Variants in CDH18 observed in about 807,000 individuals in gnomAD.
The protein encoded by CDH18 is cadherin 18.
A neutral mutation model predicts 67.9 loss-of-function variants in CDH18; 31 were observed. The ratio of observed to expected loss-of-function variants is 0.46; its 90% CI spans 0.34 to 0.62. The LOEUF (loss-of-function observed/expected upper bound fraction) is 0.62, where lower values mean the gene tolerates loss of function less well. CDH18 is among the 20% of genes least tolerant of loss of function. The pLI, the probability that CDH18 is intolerant of heterozygous loss-of-function variation, is 0.01. For missense variants in CDH18, 890 were observed against 975.5 expected (o/e 0.91, Z 1.17); for synonymous variants, 362 against 347.2 (o/e 1.04, Z -0.48).
intron 2 of CDH18, among the ~76,000 whole-genome samples, chr5:20,003,194 C>G (rs536572695): frequency 6.6e-6 from 1 of 152,098 alleles, no homozygotes; most frequent in African/African-American, 2.4e-5. Context: ...TGCTTTGGCC[C>G]AGTTTAGAAA....
At chr5:20,424,955 C>A (rs1748176616) in intron 1 of CDH18, among the ~76,000 whole-genome samples, 1 of 150,478 alleles carries the variant, frequency 6.6e-6, no homozygotes, top group South Asian at 2.1e-4. Flanking sequence ...TCAGGACACA[C>A]AAACATGAGG....
chr5:20,442,935 C>A lies in CDH18; in HGVS notation c.-580+132527G>T, dbSNP rs376616296. On this transcript the variant is annotated intron_variant, in intron 1 of 14. Coordinates refer to the CDH18 transcript ENST00000507958. ...AATACAAAAGTATATCTTGGCCGGG[C>A]GCGGTGGCTCACGCCTGTAATCCCA... 2.3e-4 allele frequency among the ~76,000 whole-genome samples: 35 copies of A among 151,866 alleles called. No homozygotes were observed. The East Asian group carries it at 5.4e-3, about 23-fold the overall frequency.
chr5:20,281,356 C>A (rs1031918181), intron 1 of CDH18, among the ~76,000 whole-genome samples: 1 of 152,108 alleles, frequency 6.6e-6, no homozygotes, highest in Admixed American at 6.6e-5. Flanking sequence ...ACATTTAAGT[C>A]TTTAATCCAT....
intron 2 of CDH18, among the ~76,000 whole-genome samples, chr5:19,998,148 G>A (rs958668323): frequency 3.3e-5 from 5 of 152,130 alleles, no homozygotes; most frequent in South Asian, 2.1e-4. Context: ...TCTCTGCCCC[G>A]CTGGCAAAGT....
At chr5:19,815,695 AT>A (rs1047534401) in intron 3 of CDH18, among the ~76,000 whole-genome samples, 4 of 151,860 alleles carry the variant, frequency 2.6e-5, no homozygotes, top group African/African-American at 9.7e-5. Flanking sequence ...GGATATCTCA[AT>A]TTTTTTGACA....
chr5:20,003,874 T>C (rs1248713352), intron 2 of CDH18, among the ~76,000 whole-genome samples: 1 of 152,148 alleles, frequency 6.6e-6, no homozygotes, highest in African/African-American at 2.4e-5. Flanking sequence ...TCCAGCCTGG[T>C]CGACAGAGCG....
intron 1 of CDH18, among the ~76,000 whole-genome samples, chr5:20,414,676 ATTT>A (rs1747127990): frequency 6.6e-6 from 1 of 152,184 alleles, no homozygotes; most frequent in Admixed American, 6.5e-5. Context: ...AAATATATGA[ATTT>A]TTTTAAGACA....
chr5:20,463,848 T>C (rs564167497), intron 1 of CDH18, among the ~76,000 whole-genome samples: 1 of 152,122 alleles, frequency 6.6e-6, no homozygotes, highest in Non-Finnish European at 1.5e-5. Flanking sequence ...CTCTTTTGGA[T>C]AGTGAAGCTA....
chr5:20,341,284 G>C (rs1298861345), intron 1 of CDH18, among the ~76,000 whole-genome samples: 1 of 152,030 alleles, frequency 6.6e-6, no homozygotes, highest in African/African-American at 2.4e-5. Context: ...TCAGCAACCA[G>C]CGAATATAAA....
At position 20,406,482 on chromosome 5, in the gene CDH18, C is replaced by T. The variant is rs186509450; in HGVS notation, c.-579-150977G>A. On this transcript the variant is annotated intron_variant, in intron 1 of 14. Coordinates refer to the CDH18 transcript ENST00000507958. The stretch of plus-strand genomic sequence containing the variant: ...TAGGAAATATACCTAATGTAAATGA[C>T]GAGTTAATGGGTGCAGCACACCAAC... 1.9e-3 allele frequency among the ~76,000 whole-genome samples: 289 copies of T among 151,710 alleles called. 1 individual carries two copies. The Middle Eastern group carries it at 0.02, about 11-fold the overall frequency.
chr5:20,563,230 T>TAA (rs1034634876), intron 1 of CDH18, among the ~76,000 whole-genome samples: 1 of 152,056 alleles, frequency 6.6e-6, no homozygotes, highest in African/African-American at 2.4e-5. Context: ...AGAAAAAGTA[T>TAA]ATTGGTGTCA....
intron 2 of CDH18, among the ~76,000 whole-genome samples, chr5:19,905,353 T>C (rs1790417505): frequency 6.6e-6 from 1 of 152,092 alleles, no homozygotes; most frequent in Non-Finnish European, 1.5e-5. Context: ...GGCTTACAAA[T>C]GAACTTGTAG....
intron 1 of CDH18, among the ~76,000 whole-genome samples, chr5:20,419,467 T>TTG (rs1747658109): frequency 2.1e-5 from 1 of 47,174 alleles, no homozygotes; most frequent in Non-Finnish European, 3.2e-5. Flanking sequence ...ACTCTGTTTT[T>TTG]TTTTTTTTTT....
At chr5:19,499,098 C>A (rs771908860) in intron 11 of CDH18, among the ~76,000 whole-genome samples, 12 of 152,324 alleles carry the variant, frequency 7.9e-5, no homozygotes, top group South Asian at 2.1e-4. Flanking sequence ...TGAATGAATA[C>A]ATGAGCTCCA....
chr5:19,689,174 C>G lies in CDH18; in HGVS notation c.643+32173G>C, dbSNP rs1272799029. Among the ~76,000 whole-genome samples, 5 of 152,032 alleles carry G rather than the reference C, an allele frequency of 3.3e-5. No individual in the cohort carries two copies. The East Asian group carries it at 9.6e-4, about 29-fold the overall frequency. ...GATTTAGATATCCAGAAGTAGTAAA[C>G]TTAGAGATTCTCAAATGGATACATT... On this transcript the variant is annotated intron_variant, in intron 5 of 12. Coordinates refer to ENST00000382275, the MANE Select transcript of CDH18 (RefSeq NM_004934.5).
At chr5:19,681,054 C>T (rs1307875638) in intron 5 of CDH18, among the ~76,000 whole-genome samples, 1 of 151,950 alleles carries the variant, frequency 6.6e-6, no homozygotes, top group Non-Finnish European at 1.5e-5. Flanking sequence ...AAATATGGTA[C>T]ATATACGCCA....
chr5:20,370,051 C>G (rs1231326617), intron 1 of CDH18, among the ~76,000 whole-genome samples: 1 of 152,008 alleles, frequency 6.6e-6, no homozygotes, highest in Non-Finnish European at 1.5e-5. Flanking sequence ...TCTTTTATTT[C>G]TAGAGATATA....
At chr5:19,592,408 G>A (rs1745307316) in intron 6 of CDH18, among the ~76,000 whole-genome samples, 1 of 151,930 alleles carries the variant, frequency 6.6e-6, no homozygotes, top group African/African-American at 2.4e-5. Context: ...GCTTATTAGA[G>A]CAATTTATTA....
At chr5:20,410,072 T>C (rs924114591) in intron 1 of CDH18, among the ~76,000 whole-genome samples, 3 of 151,846 alleles carry the variant, frequency 2.0e-5, no homozygotes, top group Admixed American at 2.0e-4. Flanking sequence ...GAAGAATTAA[T>C]GCAAATCCTT....
Sources: allele counts gnomAD v4.1 joint callset (sites outside exome capture counted in the v4.1 genomes callset), GRCh38; gene constraint gnomAD v4.1.1; transcripts MANE v1.5; gene names NCBI Gene and HGNC (gene_info 2026-07-23, HGNC 2026-07-21).